The following ADCY10 variants were observed in gnomAD, a reference collection of about 807,000 sequenced individuals.
The protein encoded by ADCY10 is adenylate cyclase type 10.
Under a neutral mutation model 183.3 loss-of-function variants are expected in ADCY10, and 156 were observed. The observed-to-expected ratio is 0.85, with a 90% CI of 0.75 to 0.97. ADCY10 has a LOEUF of 0.97. ADCY10 is among the 50% of genes least tolerant of loss of function. The pLI, the probability that ADCY10 is intolerant of heterozygous loss-of-function variation, is 0.00. For missense variants in ADCY10, 1,745 were observed against 1,934.3 expected, an observed-to-expected ratio of 0.90 and a Z score of 1.84; for synonymous variants, 645 against 670.0, an observed-to-expected ratio of 0.96 and a Z score of 0.58.
rs1387524949 is a variant in ADCY10 at position 167,832,982 on chromosome 1, C to G, written c.3593+5G>C. 1 of 1,613,416 alleles carries G rather than the reference C, an allele frequency of 6.2e-7. No individual in the cohort carries two copies. The highest frequency in any genetic ancestry group is 8.5e-7 in the Non-Finnish European group (1 of 1,179,826). ...CAGTCTGCTCTCCCCAGCTCCTTCC[C>G]TTACCCTGGAGGTGGGCTCTCTTGG... On this transcript the variant is annotated splice_donor_5th_base_variant and intron_variant, in intron 25 of 32. Transcript: ENST00000367851.
Position 167,833,057 on chromosome 1 carries a change from G to A in ADCY10, c.3523C>T (p.His1175Tyr). 1 of 1,614,110 alleles carries A rather than the reference G, an allele frequency of 6.2e-7. No individual in the cohort carries two copies. The highest frequency in any genetic ancestry group is 2.2e-5 in the East Asian group (1 of 44,868). ...TGTCTGTTTTTCTCGACATGGATATGGAGAAACAAGGAGATTAAGTTGTAA... is the reference window on the plus strand; with the variant it reads ...TGTCTGTTTTTCTCGACATGGATATAGAGAAACAAGGAGATTAAGTTGTAA... ...FPYNLISLFLHIHVEKNRHFH... is the reference protein window; with the variant it reads ...FPYNLISLFLYIHVEKNRHFH... The change falls in exon 25 of 33, where the codon CAT (histidine) becomes TAT (tyrosine). Residue 1175 changes from histidine (H) to tyrosine (Y), a missense_variant. His to Tyr is a moderately conservative substitution (Grantham distance 83, BLOSUM62 2). Coordinates refer to ENST00000367851, the MANE Select transcript of ADCY10 (RefSeq NM_018417.6).
At chr1:167,877,878 A>G (rs947727174) in intron 12 of ADCY10, among the ~76,000 whole-genome samples, 6 of 152,106 alleles carry the variant, frequency 3.9e-5, no homozygotes, top group Non-Finnish European at 8.8e-5. Context: ...AACCCAGAGG[A>G]GGGGGAACAG....
chr1:167,848,716 T>C (rs1167794713), intron 18 of ADCY10, among the ~76,000 whole-genome samples: 1 of 151,914 alleles, frequency 6.6e-6, no homozygotes, highest in Non-Finnish European at 1.5e-5. Context: ...AGTGGCGTGA[T>C]CTTTGCTCAC....
At chr1:167,856,027 GA>G in intron 17 of ADCY10, 137 bp downstream of exon 17, 6 of 999,518 alleles carry the variant, frequency 6.0e-6, no homozygotes, top group South Asian at 3.2e-5. Context: ...AAAAAGAAAA[GA>G]AAAATTTTTT....
intron 13 of ADCY10, 53 bp from the exon 14 acceptor site, chr1:167,870,463 A>G (rs1667020357): frequency 1.4e-6 from 2 of 1,477,134 alleles, no homozygotes; most frequent in Non-Finnish European, 1.9e-6. Context: ...AAAATAGTCT[A>G]GAGATATAAA....
At chr1:167,904,852 G>A in intron 2 of ADCY10, 141 bp downstream of exon 2, 1 of 1,081,954 alleles carries the variant, frequency 9.2e-7, no homozygotes, top group South Asian at 1.3e-5. Context: ...CCTCCCTCTT[G>A]TGTTCTCAGT....
chr1:167,892,217 C>G (rs767694289), intron 8 of ADCY10, among the ~76,000 whole-genome samples: 3 of 152,200 alleles, frequency 2.0e-5, no homozygotes, highest in Non-Finnish European at 2.9e-5. Flanking sequence ...AGTGATCCAC[C>G]TGTCTGGGCT....
intron 12 of ADCY10, among the ~76,000 whole-genome samples, chr1:167,877,974 T>C (rs892284200): frequency 3.9e-5 from 6 of 152,192 alleles, no homozygotes; most frequent in Admixed American, 1.3e-4. Context: ...CTGAAAGCCA[T>C]TGAAGGATTT....
intron 7 of ADCY10, among the ~76,000 whole-genome samples, chr1:167,895,544 G>A (rs1450012181): frequency 2.0e-5 from 3 of 152,190 alleles, no homozygotes; most frequent in Non-Finnish European, 4.4e-5. Context: ...GGAAGGGTAA[G>A]TAGCTAAAGT....
intron 18 of ADCY10, 136 bp from the exon 19 acceptor site, chr1:167,848,625 G>T: frequency 2.0e-6 from 2 of 1,004,486 alleles, no homozygotes; most frequent in South Asian, 2.9e-5. Context: ...AAATATTCTG[G>T]AAACCTTTTT....
chr1:167,821,609 G>A (rs766713300), intron 30 of ADCY10, among the ~76,000 whole-genome samples: 5 of 152,190 alleles, frequency 3.3e-5, no homozygotes, highest in African/African-American at 7.2e-5. Flanking sequence ...TACGAAGCCC[G>A]CTTTCGTGAA....
At chr1:167,888,737 G>T (rs1305226695) in intron 8 of ADCY10, among the ~76,000 whole-genome samples, 2 of 151,780 alleles carry the variant, frequency 1.3e-5, no homozygotes, top group Non-Finnish European at 2.9e-5. Flanking sequence ...TTAGCGGGGC[G>T]TGGTGGCGGG....
chr1:167,908,499 CAGTTAATA>C (rs1169505258), intron 1 of ADCY10, among the ~76,000 whole-genome samples: 1 of 152,086 alleles, frequency 6.6e-6, no homozygotes. Flanking sequence ...AAGGTGAATA[CAGTTAATA>C]AAGTATTATA....
intron 8 of ADCY10, among the ~76,000 whole-genome samples, chr1:167,889,569 C>A (rs1199492241): frequency 6.6e-6 from 1 of 152,176 alleles, no homozygotes; most frequent in East Asian, 1.9e-4. Flanking sequence ...GTTTTGGTAT[C>A]AGGGTAATAC....
chr1:167,903,181 G>A (rs1032876764), intron 3 of ADCY10, among the ~76,000 whole-genome samples: 1 of 152,112 alleles, frequency 6.6e-6, no homozygotes, highest in Non-Finnish European at 1.5e-5. Context: ...GCTTGAACCT[G>A]GGAGGCAGAG....
At chr1:167,866,361 A>G (rs1666685730) in intron 14 of ADCY10, among the ~76,000 whole-genome samples, 1 of 152,228 alleles carries the variant, frequency 6.6e-6, no homozygotes, top group African/African-American at 2.4e-5. Context: ...TCAAATAGCT[A>G]CAAAATTTAA....
intron 7 of ADCY10, among the ~76,000 whole-genome samples, 192 bp from the exon 8 acceptor site, chr1:167,894,133 G>C (rs1442905144): frequency 6.6e-6 from 1 of 152,158 alleles, no homozygotes; most frequent in Non-Finnish European, 1.5e-5. Context: ...AGAGGTTAAA[G>C]GTTTCCCAAA....
intron 16 of ADCY10, among the ~76,000 whole-genome samples, chr1:167,858,212 C>G (rs1001750561): frequency 6.6e-6 from 1 of 151,972 alleles, no homozygotes; most frequent in East Asian, 1.9e-4. Context: ...TCTTAAGAAG[C>G]TCACAGGCCA....
In ADCY10 at chr1:167,904,994, T is replaced by G. The variant is rs376787544; in HGVS notation, c.147A>C (p.Ser49=). 9.5e-5 allele frequency: 153 copies of G among 1,614,086 alleles called. No homozygotes were observed. Among genetic ancestry groups the G allele is most frequent in the Non-Finnish European group, 1.2e-4 (143 of 1,180,050 alleles). The change falls in exon 2 of 33, where the codon TCA becomes TCC. Residue 49 remains serine (S), a splice_region_variant and synonymous_variant. Coordinates refer to ENST00000367851, the MANE Select transcript of ADCY10 (RefSeq NM_018417.6). The part of the protein sequence containing the change: ...FDGVLMFVDI[S]GFTAMTEKFS... ...AACAAACATCCCTTTTGCACTTGCC[T>G]GAAATATCAACAAACATCAGGACTC...
Sources: gnomAD v4.1 joint callset for allele counts (sites outside exome capture counted in the v4.1 genomes callset) on GRCh38, gnomAD v4.1.1 for gene constraint, MANE v1.5 for transcripts, NCBI Gene and HGNC (gene_info 2026-07-23, HGNC 2026-07-21) for gene names.